VWA8: variants seen among roughly 807,000 people sequenced by gnomAD.
VWA8 encodes the protein von Willebrand factor A domain containing 8.
Under a neutral mutation model 241.5 loss-of-function variants are expected in VWA8, and 221 were observed. That is an observed-to-expected ratio of 0.91 (90% confidence interval 0.82 to 1.02). VWA8 has a LOEUF of 1.02. Among genes scored for constraint, VWA8 ranks in the 50% least tolerant of loss-of-function variants. VWA8 has a pLI of 0.00. For synonymous variants in VWA8, 852 were observed against 827.1 expected, an observed-to-expected ratio of 1.03 and a Z score of -0.52; for missense variants, 2,322 against 2,328.7, an observed-to-expected ratio of 1.00 and a Z score of 0.06.
intron 32 of VWA8, among the ~76,000 whole-genome samples, chr13:41,691,086 A>G (rs1361634275): frequency 6.6e-6 from 1 of 152,148 alleles, no homozygotes. Context: ...AATATGGATC[A>G]TATGAAAAAG....
At chr13:41,878,514 G>C (rs1249345751) in intron 9 of VWA8, among the ~76,000 whole-genome samples, 1 of 151,386 alleles carries the variant, frequency 6.6e-6, no homozygotes, top group African/African-American at 2.4e-5. Context: ...CTTACAAAAA[G>C]AAAGTACTTC....
chr13:41,706,137 A>G (rs1249945577), intron 26 of VWA8, among the ~76,000 whole-genome samples: 4 of 152,210 alleles, frequency 2.6e-5, no homozygotes, highest in Non-Finnish European at 5.9e-5. Context: ...ACCTTCATCC[A>G]TTTGAGAAAA....
chr13:41,800,806 A>C (rs886128567), intron 17 of VWA8, among the ~76,000 whole-genome samples: 10 of 151,878 alleles, frequency 6.6e-5, no homozygotes, highest in African/African-American at 9.7e-5. Context: ...AAAAAAAAAA[A>C]AAAACACCGT....
At chr13:41,703,251 A>G in intron 27 of VWA8, 52 bp downstream of exon 27, 1 of 1,462,034 alleles carries the variant, frequency 6.8e-7, no homozygotes, top group Non-Finnish European at 9.5e-7. Context: ...GGGAAGATAC[A>G]GCAAAATTTA....
intron 17 of VWA8, among the ~76,000 whole-genome samples, chr13:41,808,769 A>G (rs1201430392): frequency 6.6e-6 from 1 of 152,196 alleles, no homozygotes; most frequent in Non-Finnish European, 1.5e-5. Flanking sequence ...AACTGGATAC[A>G]AGAGAGAAAT....
chr13:41,612,846 T>A (rs1016482258), intron 38 of VWA8, among the ~76,000 whole-genome samples: 2 of 152,220 alleles, frequency 1.3e-5, no homozygotes, highest in African/African-American at 4.8e-5. Context: ...CAGCCATTTA[T>A]CTTTGGGGAA....
rs986243594 is a variant in VWA8, at chr13:41,691,923, A to G, written c.3691T>C (p.Cys1231Arg). The G allele has an allele frequency of 1.6e-5, 25 of 1,609,060 alleles. No individual in the cohort carries two copies. Among genetic ancestry groups the G allele is most frequent in the Non-Finnish European group, 2.1e-5 (25 of 1,176,226 alleles). ...NKEEAETYKM[C>R]KEFSHKNWLV... ...CAGTTTTTGTGTGAAAATTCTTTAC[A>G]CATTTTATAAGTTTCCTAAAGACAA... Residue 1231 changes from cysteine to arginine, a missense_variant, in exon 31 of 45, where the codon TGT becomes CGT. Transcript: ENST00000379310.
At chr13:41,609,332 G>C (rs2044572547) in intron 39 of VWA8, among the ~76,000 whole-genome samples, 1 of 152,174 alleles carries the variant, frequency 6.6e-6, no homozygotes, top group African/African-American at 2.4e-5. Flanking sequence ...CCTATTATTT[G>C]ATGATAGCGA....
intron 2 of VWA8, among the ~76,000 whole-genome samples, chr13:41,931,382 A>AG (rs34062540): frequency 0.23 from 34,060 of 149,394 alleles, 4,039 homozygotes; most frequent in East Asian, 0.29. Context: ...ACAGAGATAC[A>AG]GAAAAAAAAC....
rs889854892 is a variant in VWA8, at chr13:41,956,839, C to T, written c.163+4014G>A. On this transcript the variant is annotated intron_variant, in intron 1 of 44. Transcript: ENST00000379310. Reference sequence around the variant, plus strand: ...ATATAAACTTAATAACTACTTTAAACAATCATGTACAATGATATTTATTAC... The same window carrying T: ...ATATAAACTTAATAACTACTTTAAATAATCATGTACAATGATATTTATTAC... 2.6e-5 allele frequency among the ~76,000 whole-genome samples: 4 copies of T among 152,232 alleles called. No individual in the cohort carries two copies. The South Asian group carries it at 8.3e-4, about 32-fold the overall frequency.
At chr13:41,692,237 A>C (rs567564775) in intron 30 of VWA8, among the ~76,000 whole-genome samples, 86 of 152,230 alleles carry the variant, frequency 5.6e-4, no homozygotes, top group African/African-American at 2.1e-3. Flanking sequence ...TACACCATAA[A>C]ATAAACACAT....
intron 40 of VWA8, among the ~76,000 whole-genome samples, chr13:41,597,371 A>C (rs2044495569): frequency 6.6e-6 from 1 of 152,156 alleles, no homozygotes; most frequent in African/African-American, 2.4e-5. Flanking sequence ...GTGGTTCTCA[A>C]CATATTGGTA....
intron 9 of VWA8, among the ~76,000 whole-genome samples, chr13:41,874,838 C>A (rs999108486): frequency 6.6e-6 from 1 of 152,014 alleles, no homozygotes; most frequent in Non-Finnish European, 1.5e-5. Context: ...TCTCATAGCC[C>A]CTCAGCAACA....
rs189523572 is a variant in VWA8 at position 41,745,070 on chromosome 13, A to G, written c.2427-12915T>C. ...TTAGCCAGGATGGTCTCATCTCCTG[A>G]CCTCATTATCCACCCGCCTTGGCTT... On this transcript the variant is annotated intron_variant, in intron 21 of 44. Transcript: ENST00000379310. Among the ~76,000 whole-genome samples, 248 of 151,584 alleles carry G rather than the reference A, an allele frequency of 1.6e-3. 1 individual carries two copies. Among genetic ancestry groups the G allele is most frequent in the African/African-American group, 5.6e-3 (232 of 41,290 alleles).
intron 37 of VWA8, among the ~76,000 whole-genome samples, chr13:41,669,530 G>T (rs954120790): frequency 6.6e-6 from 1 of 152,270 alleles, no homozygotes; most frequent in African/African-American, 2.4e-5. Flanking sequence ...AGGCCTACAT[G>T]ATTAAAAAAC....
intron 25 of VWA8, 99 bp from the exon 26 acceptor site, chr13:41,719,841 C>T: frequency 8.6e-7 from 1 of 1,163,856 alleles, no homozygotes; most frequent in Non-Finnish European, 1.2e-6. Flanking sequence ...AAATGAACTA[C>T]AGCAGAAATT....
chr13:41,831,763 G>A (rs1276915607), intron 13 of VWA8, among the ~76,000 whole-genome samples: 2 of 150,674 alleles, frequency 1.3e-5, no homozygotes, highest in African/African-American at 4.9e-5. Flanking sequence ...GGGATTACAG[G>A]TGCATGCCTC....
chr13:41,604,908 G>A (rs1486744828), intron 40 of VWA8, among the ~76,000 whole-genome samples: 2 of 152,148 alleles, frequency 1.3e-5, no homozygotes, highest in African/African-American at 2.4e-5. Context: ...AGCATTGAGA[G>A]CTTTGTGAAA....
intron 21 of VWA8, among the ~76,000 whole-genome samples, chr13:41,740,365 C>T (rs1215926407): frequency 1.3e-5 from 2 of 152,034 alleles, no homozygotes; most frequent in African/African-American, 4.8e-5. Flanking sequence ...CCATAATATA[C>T]CTAGTTTCTT....
Sources: allele counts gnomAD v4.1 joint callset (sites outside exome capture counted in the v4.1 genomes callset), GRCh38; gene constraint gnomAD v4.1.1; transcripts MANE v1.5; gene names NCBI Gene and HGNC (gene_info 2026-07-23, HGNC 2026-07-21).